Variants in SNTG1 observed in about 807,000 individuals in gnomAD.
The protein encoded by SNTG1 is gamma-1-syntrophin.
SNTG1 carries 39 observed loss-of-function variants against 74.7 expected under a neutral mutation model. That is an observed-to-expected ratio of 0.52 (90% CI 0.40 to 0.68). SNTG1 has a LOEUF of 0.68. Ranked by LOEUF, SNTG1 falls within the 30% of genes least tolerant of loss-of-function variation. The pLI, the probability that SNTG1 is intolerant of heterozygous loss-of-function variation, is 0.00. For synonymous variants in SNTG1, 254 were observed against 217.1 expected (o/e 1.17, Z -1.49); for missense variants, 685 against 609.5 (o/e 1.12, Z -1.30).
chr8:50,164,121 A>G (rs1453232956), intron 1 of SNTG1: 1 of 65,308 alleles, frequency 1.5e-5, no homozygotes, highest in African/African-American at 6.9e-5. Context: ...TTTTTTTGCT[A>G]TCTATCATCA....
intron 1 of SNTG1, among the ~76,000 whole-genome samples, chr8:49,985,911 T>C (rs1347157081): frequency 1.3e-5 from 2 of 152,298 alleles, no homozygotes; most frequent in East Asian, 3.9e-4. Flanking sequence ...GTACATATTT[T>C]TCATGTATCA....
chr8:49,999,869 T>G (rs1223121664), intron 1 of SNTG1, among the ~76,000 whole-genome samples: 1 of 152,200 alleles, frequency 6.6e-6, no homozygotes, highest in African/African-American at 2.4e-5. Flanking sequence ...CTCTGTCCAC[T>G]AGAATGGAAC....
At chr8:50,061,186 A>G (rs1211468578) in intron 1 of SNTG1, among the ~76,000 whole-genome samples, 2 of 152,134 alleles carry the variant, frequency 1.3e-5, no homozygotes, top group Non-Finnish European at 2.9e-5. Flanking sequence ...TAAAGACTTT[A>G]CTGGGGGAAA....
chr8:50,680,465 T>G (rs1241347649), intron 15 of SNTG1, among the ~76,000 whole-genome samples: 1 of 152,160 alleles, frequency 6.6e-6, no homozygotes, highest in African/African-American at 2.4e-5. Context: ...ACACCAAGAA[T>G]GCAATTTTCA....
At position 50,417,503 on chromosome 8, in the gene SNTG1, A is replaced by T. The variant is rs565636267; in HGVS notation, c.162+15159A>T. Among the ~76,000 whole-genome samples the T allele has an allele frequency of 1.3e-3, 194 of 152,188 alleles. 3 individuals carry two copies. In the South Asian group the frequency reaches 0.039, roughly 31 times the overall value. ...ATGGCTTGCTTCTCTTTTTTCTTCT[A>T]AATCTCCTCTAACAGTGGAGATGTT... is the stretch of plus-strand genomic sequence containing the variant. On this transcript the variant is annotated intron_variant, in intron 4 of 18. Transcript: ENST00000642720.
intron 17 of SNTG1, among the ~76,000 whole-genome samples, chr8:50,725,568 C>CT: frequency 6.6e-6 from 1 of 152,252 alleles, no homozygotes; most frequent in South Asian, 2.1e-4. Context: ...CATTTATCCT[C>CT]TTTCCTGTCC....
intron 15 of SNTG1, among the ~76,000 whole-genome samples, chr8:50,681,843 G>A (rs185405817): frequency 6.6e-6 from 1 of 152,158 alleles, no homozygotes; most frequent in Non-Finnish European, 1.5e-5. Flanking sequence ...ATGATTCCAT[G>A]TGGATGCCTA....
intron 2 of SNTG1, among the ~76,000 whole-genome samples, chr8:50,213,907 T>G (rs992053070): frequency 3.9e-5 from 6 of 151,944 alleles, no homozygotes; most frequent in African/African-American, 1.5e-4. Flanking sequence ...GTAGTTTCTT[T>G]TGCTGTGCAG....
chr8:50,243,801 A>G (rs2086271665), intron 2 of SNTG1, among the ~76,000 whole-genome samples: 1 of 152,200 alleles, frequency 6.6e-6, no homozygotes, highest in Non-Finnish European at 1.5e-5. Context: ...AAAAACAAAT[A>G]CATGATTCAA....
At chr8:50,723,533 C>G (rs2095492723) in intron 17 of SNTG1, among the ~76,000 whole-genome samples, 1 of 152,116 alleles carries the variant, frequency 6.6e-6, no homozygotes. Flanking sequence ...ATATGTTTCC[C>G]CCACTTCCCG....
chr8:50,585,379 G>A (rs545666745), intron 12 of SNTG1, among the ~76,000 whole-genome samples: 16 of 152,272 alleles, frequency 1.1e-4, no homozygotes, highest in African/African-American at 3.4e-4. Flanking sequence ...GATACGGACA[G>A]AAATTATGTC....
chr8:50,206,084 G>T (rs941121785), intron 2 of SNTG1, among the ~76,000 whole-genome samples: 3 of 152,178 alleles, frequency 2.0e-5, no homozygotes, highest in Non-Finnish European at 4.4e-5. Flanking sequence ...CTTTAAAGTA[G>T]TTTTTTCCGA....
Position 50,539,493 on chromosome 8 carries a change from C to T in SNTG1, c.680+2685C>T, listed in dbSNP as rs184566344. 2.8e-3 allele frequency among the ~76,000 whole-genome samples: 427 copies of T among 152,252 alleles called. 1 individual carries two copies. The highest frequency in any genetic ancestry group is 4.8e-3 in the Non-Finnish European group (327 of 68,016). On this transcript the variant is annotated intron_variant, in intron 11 of 18. Coordinates refer to ENST00000642720, the MANE Select transcript of SNTG1 (RefSeq NM_018967.5). ...TCAGCTCCTCAGGGAATTCTACTGACATAAGGAAGGAGGTGGACGGATAGG... is the reference window on the plus strand; with the variant it reads ...TCAGCTCCTCAGGGAATTCTACTGATATAAGGAAGGAGGTGGACGGATAGG...
intron 1 of SNTG1, among the ~76,000 whole-genome samples, chr8:50,135,610 T>TG (rs777119864): frequency 6.8e-4 from 103 of 152,110 alleles, no homozygotes; most frequent in Non-Finnish European, 1.3e-3. Flanking sequence ...TTCATGATTT[T>TG]GGGGGACTTT....
At chr8:50,430,996 G>A (rs1321151426) in intron 4 of SNTG1, among the ~76,000 whole-genome samples, 1 of 152,142 alleles carries the variant, frequency 6.6e-6, no homozygotes, top group Non-Finnish European at 1.5e-5. Flanking sequence ...TTTAGCCTTT[G>A]TCTTACAGAT....
chr8:50,706,224 C>A (rs1052817940), intron 16 of SNTG1, among the ~76,000 whole-genome samples: 1 of 151,372 alleles, frequency 6.6e-6, no homozygotes, highest in Non-Finnish European at 1.5e-5. Context: ...CTTAAATAGC[C>A]AAAAAATAGT....
rs140967455 is a variant in SNTG1 at position 50,567,410 on chromosome 8, C to T, written c.810+14231C>T. On this transcript the variant is annotated intron_variant, in intron 12 of 18. Transcript: ENST00000642720. ...AATCTCCTCTTTGATTCTGATTCTT[C>T]CCTATATACCCTATATGTGTTGTTT... 5.4e-3 allele frequency among the ~76,000 whole-genome samples: 819 copies of T among 152,164 alleles called. 7 individuals are homozygous for T. The highest frequency in any genetic ancestry group is 0.018 in the African/African-American group (760 of 41,538).
Position 50,793,753 on chromosome 8 carries a change from A to T in SNTG1, c.*924A>T, listed in dbSNP as rs1332502897. 2 of 151,950 alleles carry T rather than the reference A, an allele frequency of 1.3e-5. No homozygotes were observed. Among genetic ancestry groups the T allele is most frequent in the African/African-American group, 2.4e-5 (1 of 41,428 alleles). 9.4% of individuals were successfully genotyped at this position (151,950 alleles called of 1,614,324 possible). On this transcript the variant is annotated 3_prime_UTR_variant, in exon 19 of 19. Transcript: ENST00000642720. ...AACAATTCTTTGTAATCCGAAGTCT[A>T]CTAGTTAATCATGAACTAAAATGTC... is the stretch of plus-strand genomic sequence containing the variant.
chr8:50,214,265 G>T (rs200544173), intron 2 of SNTG1, among the ~76,000 whole-genome samples: 3 of 110,992 alleles, frequency 2.7e-5, no homozygotes, highest in East Asian at 3.3e-4. Context: ...TTGTGGGGTG[G>T]GGGGAGGGGG....
Sources: gnomAD v4.1 joint callset for allele counts (sites outside exome capture counted in the v4.1 genomes callset) on GRCh38, gnomAD v4.1.1 for gene constraint, MANE v1.5 for transcripts, NCBI Gene and HGNC (gene_info 2026-07-23, HGNC 2026-07-21) for gene names.